Variants in C19orf81 observed in about 807,000 individuals in gnomAD.
C19orf81 encodes chromosome 19 open reading frame 81.
In C19orf81, 19 loss-of-function variants were observed where a neutral mutation model predicts 22.1. That is an observed-to-expected ratio of 0.86 (90% CI 0.60 to 1.26). The LOEUF (loss-of-function observed/expected upper bound fraction) is 1.26, where lower values mean the gene tolerates loss of function less well. C19orf81 is among the 50% of genes most tolerant of loss of function. The probability of loss-of-function intolerance (pLI) is 0.00; values close to 1 mark genes in which losing one functional copy is unlikely to be tolerated. For synonymous variants in C19orf81, 108 were observed against 113.1 expected (o/e 0.95, Z 0.29); for missense variants, 287 against 280.7 (o/e 1.02, Z -0.16).
intron 3 of C19orf81, among the ~76,000 whole-genome samples, chr19:50,656,959 A>G (rs1985007803): frequency 1.4e-5 from 2 of 138,130 alleles, no homozygotes; most frequent in African/African-American, 3.1e-5. Flanking sequence ...CAAAAAAAAA[A>G]GGAAGGAAGA....
intron 3 of C19orf81, 38 bp from the exon 4 acceptor site, chr19:50,657,951 G>A: frequency 6.7e-7 from 1 of 1,494,380 alleles, no homozygotes. Context: ...AATGAACCAG[G>A]AGGCCACGGG....
chr19:50,659,266 G>A lies in C19orf81; in HGVS notation c.*124G>A, dbSNP rs899767626. ...GAGGCGGGGCCGGCTCGAGGGGGTG[G>A]ATACTGTGAGTTTAATTATAAAGAA... On this transcript the variant is annotated 3_prime_UTR_variant, in exon 5 of 5. Transcript: ENST00000425202. 1 of 725,052 alleles carries A rather than the reference G, an allele frequency of 1.4e-6. No individual in the cohort carries two copies. Among genetic ancestry groups the A allele is most frequent in the Non-Finnish European group, 1.9e-6 (1 of 519,170 alleles). 44.9% of individuals were successfully genotyped at this position (725,052 alleles called of 1,614,324 possible). A position where few individuals can be genotyped will look rare whatever the true frequency, so the allele number is the denominator to read the frequency against.
intron 3 of C19orf81, 34 bp from the exon 4 acceptor site, chr19:50,657,955 C>G: frequency 6.7e-7 from 1 of 1,498,008 alleles, no homozygotes; most frequent in Non-Finnish European, 8.9e-7. Context: ...AACCAGGAGG[C>G]CACGGGCTGA....
At chr19:50,653,734 AC>A (rs1358878467) in intron 1 of C19orf81, among the ~76,000 whole-genome samples, 1 of 116,818 alleles carries the variant, frequency 8.6e-6, no homozygotes, top group Non-Finnish European at 1.8e-5. Context: ...ACACACACAC[AC>A]ACACACGTTG....
At chr19:50,656,166 C>A (rs899174049) in intron 2 of C19orf81, 44 bp downstream of exon 2, 1 of 1,536,158 alleles carries the variant, frequency 6.5e-7, no homozygotes, top group Non-Finnish European at 8.7e-7. Context: ...TCCGCCTCCC[C>A]AAATGTGATG....
chr19:50,658,926 C>T (rs1259367204), intron 4 of C19orf81, 21 bp from the exon 5 acceptor site: 2 of 1,426,864 alleles, frequency 1.4e-6, no homozygotes, highest in South Asian at 1.4e-5. Context: ...AGTTCCTTTT[C>T]CGTCCCCACC....
intron 1 of C19orf81, among the ~76,000 whole-genome samples, chr19:50,651,216 C>G (rs1568420570): frequency 6.6e-6 from 1 of 152,196 alleles, no homozygotes; most frequent in Non-Finnish European, 1.5e-5. Flanking sequence ...AATAAGCGCT[C>G]TTTAGTCTTG....
At chr19:50,649,635 C>G in intron 1 of C19orf81, 124 bp downstream of exon 1, 1 of 1,089,022 alleles carries the variant, frequency 9.2e-7, no homozygotes, top group South Asian at 1.4e-5. Flanking sequence ...CCATCCCTAG[C>G]ATTCCTGGAT....
At position 50,656,032 on chromosome 19, in the gene C19orf81, TGGGTTCTCTGTCCTCAGGAG is replaced by T. The variant is rs1984986568; in HGVS notation, c.68-17_70del. On this transcript the variant is annotated splice_acceptor_variant and splice_polypyrimidine_tract_variant and coding_sequence_variant and intron_variant, in exon 2 of 5. Transcript: ENST00000425202. LOFTEE classifies it high-confidence loss of function. ...GAGGAGGGCTCAGGGCAGCTGACAC[TGGGTTCTCTGTCCTCAGGAG>T]CCCTCCTTATGGACCTGGAGACCCC... The T allele has an allele frequency of 6.5e-7, 1 of 1,535,706 alleles. No homozygotes were observed. Among genetic ancestry groups the T allele is most frequent in the Admixed American group, 2.0e-5 (1 of 50,976 alleles).
Position 50,659,302 on chromosome 19 carries a change from C to A in C19orf81, c.*160C>A. 1 of 552,636 alleles carries A rather than the reference C, an allele frequency of 1.8e-6. No individual in the cohort carries two copies. The highest frequency in any genetic ancestry group is 2.7e-6 in the Non-Finnish European group (1 of 367,984). 34.2% of individuals were successfully genotyped at this position (552,636 alleles called of 1,614,324 possible). On this transcript the variant is annotated 3_prime_UTR_variant, in exon 5 of 5. Transcript: ENST00000425202. The stretch of plus-strand genomic sequence containing the variant: ...TTTAATTATAAAGAATGACCTGGTA[C>A]AAAAGCCATTTCTCTCTGCAAAATC...
intron 3 of C19orf81, among the ~76,000 whole-genome samples, chr19:50,657,152 G>A (rs998790568): frequency 9.9e-5 from 15 of 152,110 alleles, no homozygotes; most frequent in African/African-American, 3.6e-4. Flanking sequence ...AAGAGCTGAT[G>A]TCAATAGGTG....
rs978907970 is a variant in C19orf81, at chr19:50,656,322, C to T, written c.237C>T (p.Pro79=). 9.8e-6 allele frequency: 15 copies of T among 1,536,160 alleles called. No individual in the cohort carries two copies. In the African/African-American group the frequency reaches 1.5e-4, roughly 15 times the overall value. The change falls in exon 3 of 5, where the codon CCC becomes CCT. Residue 79 remains proline (P), a synonymous_variant. Transcript: ENST00000425202. ...TCCCCACACCACCAGCTTCCCAGCC[C>T]CTCTGCCTCTGCATGGAGACCTTGG... ...RKFPTPPASQ[P]LCLCMETLPE...
At chr19:50,658,261 G>A (rs1985045694) in intron 4 of C19orf81, 133 bp downstream of exon 4, 1 of 980,230 alleles carries the variant, frequency 1.0e-6, no homozygotes, top group Non-Finnish European at 1.5e-6. Context: ...GGCGGGGCCC[G>A]GGGCGACTAG....
At chr19:50,656,485 C>T (rs999221187) in intron 3 of C19orf81, 139 bp downstream of exon 3, 1 of 1,225,102 alleles carries the variant, frequency 8.2e-7, no homozygotes, top group African/African-American at 1.5e-5. Flanking sequence ...GGACAGTTTG[C>T]TGAAAACTGA....
At chr19:50,651,150 T>C (rs1984870699) in intron 1 of C19orf81, among the ~76,000 whole-genome samples, 1 of 152,230 alleles carries the variant, frequency 6.6e-6, no homozygotes, top group Admixed American at 6.5e-5. Context: ...GTTCTCATGC[T>C]GGGAGAGGAG....
chr19:50,649,743 T>C, intron 1 of C19orf81: 2 of 649,694 alleles, frequency 3.1e-6, no homozygotes, highest in Non-Finnish European at 2.8e-6. Context: ...CAGAACTACA[T>C]TTCCCATGAG....
At chr19:50,649,614 C>T (rs1984836039) in intron 1 of C19orf81, 103 bp downstream of exon 1, 1 of 1,268,578 alleles carries the variant, frequency 7.9e-7, no homozygotes, top group African/African-American at 1.5e-5. Context: ...ACTGGCACTC[C>T]AAAGTGAAAG....
chr19:50,651,908 A>AT (rs1301093065), intron 1 of C19orf81, among the ~76,000 whole-genome samples: 2 of 152,146 alleles, frequency 1.3e-5, no homozygotes, highest in East Asian at 3.8e-4. Context: ...TTGTATTCAC[A>AT]TTTTTTCACA....
intron 1 of C19orf81, among the ~76,000 whole-genome samples, chr19:50,654,085 C>T (rs920923842): frequency 3.6e-4 from 54 of 152,038 alleles, no homozygotes; most frequent in African/African-American, 1.3e-3. Context: ...AGTGGCCTTG[C>T]TTGATGTTGG....
Sources: gnomAD v4.1 joint callset for allele counts (sites outside exome capture counted in the v4.1 genomes callset) on GRCh38, gnomAD v4.1.1 for gene constraint, MANE v1.5 for transcripts, NCBI Gene and HGNC (gene_info 2026-07-23, HGNC 2026-07-21) for gene names.